Variants in PCSK5 observed in about 807,000 individuals in gnomAD.
PCSK5 encodes prohormone convertase 5.
PCSK5 carries 129 observed loss-of-function variants against 233.2 expected under a neutral mutation model. That is an observed-to-expected ratio of 0.55 (90% CI 0.48 to 0.64). The LOEUF is 0.64. Among genes scored for constraint, PCSK5 ranks in the 30% least tolerant of loss-of-function variants. PCSK5 has a pLI of 0.00. For synonymous variants in PCSK5, 825 were observed against 879.2 expected, an observed-to-expected ratio of 0.94 and a Z score of 1.09; for missense variants, 2,076 against 2,430.1, an observed-to-expected ratio of 0.85 and a Z score of 3.06.
intron 1 of PCSK5, among the ~76,000 whole-genome samples, chr9:75,903,536 G>C (rs938855728): frequency 3.7e-5 from 5 of 134,530 alleles, no homozygotes; most frequent in African/African-American, 1.2e-4. Flanking sequence ...GTCTCTCTCT[G>C]TATGTGTATG....
chr9:76,176,628 A>G (rs961430724), intron 14 of PCSK5, among the ~76,000 whole-genome samples: 4 of 152,208 alleles, frequency 2.6e-5, no homozygotes, highest in African/African-American at 9.6e-5. Flanking sequence ...CTTTACTGCA[A>G]TCTTTTAATT....
At chr9:75,965,601 A>G (rs577313956) in intron 2 of PCSK5, among the ~76,000 whole-genome samples, 2 of 152,276 alleles carry the variant, frequency 1.3e-5, no homozygotes, top group East Asian at 1.9e-4. Context: ...GGGGATGGCA[A>G]TTCATTTTAC....
chr9:76,272,773 CAAAAAAAAAAAAAAAA>C (rs71372058), intron 24 of PCSK5, among the ~76,000 whole-genome samples: 3,198 of 50,198 alleles, frequency 0.064, 182 homozygotes, highest in African/African-American at 0.19. Flanking sequence ...GACTCCATCT[CAAAAAAAAAAAAAAAA>C]AAAAAAAAAA....
intron 10 of PCSK5, among the ~76,000 whole-genome samples, chr9:76,155,466 C>T (rs1052385921): frequency 6.6e-6 from 1 of 152,204 alleles, no homozygotes; most frequent in African/African-American, 2.4e-5. Flanking sequence ...GACCCAGTTG[C>T]TGTCATCAAG....
At chr9:76,014,380 G>A (rs79420312) in intron 3 of PCSK5, among the ~76,000 whole-genome samples, 4,762 of 152,234 alleles carry the variant, frequency 0.031, 247 homozygotes, top group African/African-American at 0.11. Flanking sequence ...TAATTGCACA[G>A]TTTGTGTGAG....
chr9:75,908,661 C>T, intron 1 of PCSK5, among the ~76,000 whole-genome samples: 1 of 152,188 alleles, frequency 6.6e-6, no homozygotes, highest in East Asian at 1.9e-4. Flanking sequence ...GCCGGGACAT[C>T]CACATGCCCA....
intron 1 of PCSK5, among the ~76,000 whole-genome samples, chr9:75,911,706 G>A (rs1486944876): frequency 6.6e-6 from 1 of 152,122 alleles, no homozygotes; most frequent in Non-Finnish European, 1.5e-5. Flanking sequence ...CTGGTGGTTG[G>A]TGCTGGTTGC....
intron 9 of PCSK5, among the ~76,000 whole-genome samples, chr9:76,131,862 G>A (rs562581068): frequency 2.0e-4 from 30 of 152,084 alleles, no homozygotes; most frequent in Admixed American, 3.3e-4. Context: ...GAGTTAAAAC[G>A]TGAAAGTTCT....
At chr9:76,186,984 T>G (rs901949092) in intron 17 of PCSK5, among the ~76,000 whole-genome samples, 4 of 152,080 alleles carry the variant, frequency 2.6e-5, no homozygotes, top group African/African-American at 9.7e-5. Context: ...TCAAGAGACT[T>G]GTAAATTTTT....
chr9:76,231,556 C>T (rs1826083843), intron 21 of PCSK5, among the ~76,000 whole-genome samples: 1 of 152,228 alleles, frequency 6.6e-6, no homozygotes. Context: ...AGCTTCCTTG[C>T]TTAAAATCCT....
rs557078082 is a variant in PCSK5, at chr9:76,117,201, C to T, written c.1208+9850C>T. Reference sequence around the variant, plus strand: ...AACTAGAATACATCTATGAACAAAACATGCATGGTCCTTGCCAGAGCTGCC... The same window carrying T: ...AACTAGAATACATCTATGAACAAAATATGCATGGTCCTTGCCAGAGCTGCC... On this transcript the variant is annotated intron_variant, in intron 9 of 37. Transcript: ENST00000674117. Among the ~76,000 whole-genome samples, 35 of 152,154 alleles carry T rather than the reference C, an allele frequency of 2.3e-4. 1 individual carries two copies. In the South Asian group the frequency reaches 7.3e-3, roughly 32 times the overall value.
At chr9:76,025,449 C>T (rs1828382220) in intron 4 of PCSK5, among the ~76,000 whole-genome samples, 1 of 151,766 alleles carries the variant, frequency 6.6e-6, no homozygotes, top group South Asian at 2.1e-4. Context: ...ACCACCAGAA[C>T]TGAAAATAAG....
At chr9:76,317,871 C>A (rs112181511) in intron 30 of PCSK5, among the ~76,000 whole-genome samples, 24 of 152,266 alleles carry the variant, frequency 1.6e-4, no homozygotes, top group African/African-American at 5.8e-4. Context: ...AGTGTGTAGC[C>A]TGGAGTCAAG....
At chr9:76,055,292 G>A (rs1829780922) in intron 5 of PCSK5, among the ~76,000 whole-genome samples, 1 of 152,052 alleles carries the variant, frequency 6.6e-6, no homozygotes, top group South Asian at 2.1e-4. Context: ...AAAATTTACT[G>A]TTTTTAAGGC....
chr9:76,025,400 GGA>G (rs34224740), intron 4 of PCSK5, among the ~76,000 whole-genome samples: 46,492 of 148,382 alleles, frequency 0.31, 7,861 homozygotes, highest in African/African-American at 0.47. Context: ...AAAAAAATGA[GGA>G]GAGAGAGAGA....
intron 24 of PCSK5, among the ~76,000 whole-genome samples, chr9:76,282,211 G>C (rs1172591751): frequency 1.6e-5 from 2 of 125,986 alleles, no homozygotes; most frequent in Non-Finnish European, 3.2e-5. Flanking sequence ...TCAAACTCCT[G>C]GGCTCAAGTG....
intron 37 of PCSK5, among the ~76,000 whole-genome samples, chr9:76,355,401 A>G (rs1830275327): frequency 6.6e-6 from 1 of 152,112 alleles, no homozygotes; most frequent in South Asian, 2.1e-4. Flanking sequence ...TGAACCCGGG[A>G]GGCAGAGCTC....
intron 3 of PCSK5, among the ~76,000 whole-genome samples, chr9:76,001,737 A>C (rs975447755): frequency 6.6e-6 from 1 of 152,182 alleles, no homozygotes; most frequent in Non-Finnish European, 1.5e-5. Flanking sequence ...GAGTGTGTTA[A>C]ACTTGCCATT....
At chr9:76,316,143 G>A (rs1829024513) in intron 30 of PCSK5, among the ~76,000 whole-genome samples, 1 of 151,960 alleles carries the variant, frequency 6.6e-6, no homozygotes, top group Admixed American at 6.6e-5. Context: ...ATTCCCTGGA[G>A]GTGGGCCTGA....
Sources: gnomAD v4.1 joint callset for allele counts (sites outside exome capture counted in the v4.1 genomes callset) on GRCh38, gnomAD v4.1.1 for gene constraint, MANE v1.5 for transcripts, NCBI Gene and HGNC (gene_info 2026-07-23, HGNC 2026-07-21) for gene names.